The following HPSE2 variants were observed in gnomAD, a reference collection of about 807,000 sequenced individuals.
The protein encoded by HPSE2 is inactive heparanase-2.
Under a neutral mutation model 60.5 loss-of-function variants are expected in HPSE2, and 38 were observed. That is an observed-to-expected ratio of 0.63 (90% confidence interval 0.48 to 0.82). The LOEUF is 0.82. Among genes scored for constraint, HPSE2 ranks in the 40% least tolerant of loss-of-function variants. HPSE2 has a pLI of 0.00. For missense variants in HPSE2, 713 were observed against 740.4 expected, an observed-to-expected ratio of 0.96 and a Z score of 0.43; for synonymous variants, 295 against 293.2, an observed-to-expected ratio of 1.01 and a Z score of -0.06.
chr10:99,307,498 C>T, the HPSE2 span, among the ~76,000 whole-genome samples: 1 of 152,222 alleles, frequency 6.6e-6, no homozygotes, highest in Non-Finnish European at 1.5e-5. Context: ...CACCAAGTGG[C>T]GTGCTGAAGT....
chr10:98,808,216 C>G (rs756030905), intron 3 of HPSE2, among the ~76,000 whole-genome samples: 7 of 152,120 alleles, frequency 4.6e-5, no homozygotes, highest in Non-Finnish European at 1.0e-4. Context: ...CATATTCAAA[C>G]CTAAACTCAT....
intron 9 of HPSE2, among the ~76,000 whole-genome samples, chr10:98,499,331 G>C (rs1564921310): frequency 6.6e-6 from 1 of 152,130 alleles, no homozygotes; most frequent in East Asian, 1.9e-4. Context: ...AGCTAGAAGG[G>C]ATTGGGGCCC....
the HPSE2 span, among the ~76,000 whole-genome samples, chr10:99,260,178 C>T: frequency 1.3e-5 from 2 of 151,716 alleles, no homozygotes; most frequent in Admixed American, 1.3e-4. Context: ...GCCTATGCAT[C>T]TTTGTGAGAA....
intron 3 of HPSE2, among the ~76,000 whole-genome samples, chr10:98,922,690 AT>A (rs1954317766): frequency 6.6e-6 from 1 of 152,168 alleles, no homozygotes; most frequent in African/African-American, 2.4e-5. Context: ...ACATGGTATA[AT>A]ATACTTCAAG....
chr10:98,613,892 C>T (rs1945826920), intron 9 of HPSE2, among the ~76,000 whole-genome samples: 1 of 152,138 alleles, frequency 6.6e-6, no homozygotes, highest in East Asian at 1.9e-4. Flanking sequence ...AAGGATAACC[C>T]GTGTAATATT....
chr10:98,460,319 C>A (rs1319444502), intron 11 of HPSE2, among the ~76,000 whole-genome samples: 1 of 152,140 alleles, frequency 6.6e-6, no homozygotes, highest in Non-Finnish European at 1.5e-5. Flanking sequence ...AACACCTCTA[C>A]TTTTTCTAAT....
intron 3 of HPSE2, among the ~76,000 whole-genome samples, chr10:98,866,944 T>G (rs1302190579): frequency 6.6e-6 from 1 of 152,086 alleles, no homozygotes; most frequent in Non-Finnish European, 1.5e-5. Flanking sequence ...TGAAATAATA[T>G]AGAGTACTGG....
chr10:98,873,325 C>A (rs570529064), intron 3 of HPSE2, among the ~76,000 whole-genome samples: 1 of 152,010 alleles, frequency 6.6e-6, no homozygotes, highest in Non-Finnish European at 1.5e-5. Context: ...GTTTGCTGCA[C>A]CTATTGACCC....
rs1207604454 is a variant in HPSE2, at chr10:98,737,338, C to A, written c.784+6545G>T. On this transcript the variant is annotated intron_variant, in intron 4 of 11. Transcript: ENST00000370552. ...ATGGCCAAATAGGAACAGCTCCAGT[C>A]TGCAGCTCCCAGCAAGACCAACACA... Among the ~76,000 whole-genome samples, 2 of 138,212 alleles carry A rather than the reference C, an allele frequency of 1.4e-5. 1 individual carries two copies. The highest frequency in any genetic ancestry group is 3.1e-5 in the Non-Finnish European group (2 of 64,646). The allele number at this position is 138,212 out of a possible 152,430, so 90.7% of individuals were successfully genotyped here.
At chr10:98,828,044 A>T (rs753216064) in intron 3 of HPSE2, among the ~76,000 whole-genome samples, 10 of 152,116 alleles carry the variant, frequency 6.6e-5, no homozygotes, top group Non-Finnish European at 1.3e-4. Flanking sequence ...CTGCCTTTGA[A>T]CTCAAACTTC....
At chr10:98,956,738 C>T (rs1955518698) in intron 3 of HPSE2, among the ~76,000 whole-genome samples, 1 of 152,096 alleles carries the variant, frequency 6.6e-6, no homozygotes, top group African/African-American at 2.4e-5. Flanking sequence ...GTCACAGGGC[C>T]ACACTCAGCT....
chr10:98,466,096 G>T (rs530989679), intron 11 of HPSE2, among the ~76,000 whole-genome samples: 2 of 152,306 alleles, frequency 1.3e-5, no homozygotes, highest in African/African-American at 4.8e-5. Context: ...GATAGCCATG[G>T]ATATTTAAGC....
intron 3 of HPSE2, among the ~76,000 whole-genome samples, chr10:98,994,059 T>C (rs1360254287): frequency 6.6e-6 from 1 of 152,198 alleles, no homozygotes; most frequent in Admixed American, 6.5e-5. Flanking sequence ...AGCACAGAAA[T>C]TAAGCATGAA....
At chr10:99,031,965 T>G (rs1323858952) in intron 3 of HPSE2, among the ~76,000 whole-genome samples, 4 of 152,228 alleles carry the variant, frequency 2.6e-5, no homozygotes, top group Non-Finnish European at 5.9e-5. Flanking sequence ...TTATTAAGCA[T>G]GAGAGAAATC....
intron 2 of HPSE2, among the ~76,000 whole-genome samples, chr10:99,150,984 G>A (rs569113520): frequency 6.6e-6 from 1 of 151,932 alleles, no homozygotes; most frequent in African/African-American, 2.4e-5. Flanking sequence ...CAGACTCAGA[G>A]GCAAACCCTA....
chr10:98,615,833 T>C (rs1945891355), intron 8 of HPSE2, among the ~76,000 whole-genome samples: 1 of 152,194 alleles, frequency 6.6e-6, no homozygotes, highest in South Asian at 2.1e-4. Flanking sequence ...TAATAATACA[T>C]AGAATAAATG....
chr10:98,840,263 T>C (rs147898583), intron 3 of HPSE2, among the ~76,000 whole-genome samples: 1 of 152,156 alleles, frequency 6.6e-6, no homozygotes, highest in Non-Finnish European at 1.5e-5. Flanking sequence ...GAGAAGAGTA[T>C]GAAAAATTGT....
intron 3 of HPSE2, among the ~76,000 whole-genome samples, chr10:98,790,490 G>A (rs1321845682): frequency 6.6e-6 from 1 of 152,194 alleles, no homozygotes; most frequent in East Asian, 1.9e-4. Context: ...CTGGGAGGGA[G>A]AAGGAGGGAT....
chr10:99,132,047 G>C (rs943141873), intron 3 of HPSE2, among the ~76,000 whole-genome samples: 2 of 151,438 alleles, frequency 1.3e-5, no homozygotes, highest in Non-Finnish European at 2.9e-5. Context: ...GGGAGGCAGA[G>C]GTTGCAGAGA....
Sources: gnomAD v4.1 joint callset for allele counts (sites outside exome capture counted in the v4.1 genomes callset) on GRCh38, gnomAD v4.1.1 for gene constraint, MANE v1.5 for transcripts, NCBI Gene and HGNC (gene_info 2026-07-23, HGNC 2026-07-21) for gene names.